Variants in SYT10 observed in about 807,000 individuals in gnomAD.
The protein encoded by SYT10 is synaptotagmin-10.
Under a neutral mutation model 51.1 loss-of-function variants are expected in SYT10, and 31 were observed. The ratio of observed to expected loss-of-function variants is 0.61; its 90% CI spans 0.46 to 0.82. The LOEUF is 0.82. Ranked by LOEUF, SYT10 falls within the 40% of genes least tolerant of loss-of-function variation. The pLI is 0.00. For synonymous variants in SYT10, 233 were observed against 225.9 expected, an observed-to-expected ratio of 1.03 and a Z score of -0.28; for missense variants, 603 against 634.0, an observed-to-expected ratio of 0.95 and a Z score of 0.53.
chr12:33,388,497 C>T (rs1565491526), intron 3 of SYT10, among the ~76,000 whole-genome samples: 1 of 152,084 alleles, frequency 6.6e-6, no homozygotes, highest in Admixed American at 6.5e-5. Flanking sequence ...CTGAAAAATT[C>T]TTGTATTTTG....
intron 3 of SYT10, chr12:33,405,859 G>A (rs1416854195): frequency 2.0e-5 from 3 of 146,394 alleles, no homozygotes; most frequent in African/African-American, 2.5e-5. Flanking sequence ...AAATAATCTT[G>A]AAAAAAAAAA....
chr12:33,393,644 CA>C (rs147402902), intron 3 of SYT10, among the ~76,000 whole-genome samples: 30,469 of 151,984 alleles, frequency 0.2, 3,296 homozygotes, highest in South Asian at 0.29. Context: ...CACTTCTCAA[CA>C]AAAGCCATCA....
At chr12:33,386,096 T>A (rs1205804367) in intron 3 of SYT10, among the ~76,000 whole-genome samples, 1 of 152,194 alleles carries the variant, frequency 6.6e-6, no homozygotes, top group East Asian at 1.9e-4. Context: ...TGACCTCGGC[T>A]CACTGCAGCC....
chr12:33,390,595 C>T (rs1449153775), intron 3 of SYT10, among the ~76,000 whole-genome samples: 1 of 151,806 alleles, frequency 6.6e-6, no homozygotes, highest in Non-Finnish European at 1.5e-5. Context: ...AAATAATTTG[C>T]AAGGTAGATA....
intron 3 of SYT10, among the ~76,000 whole-genome samples, chr12:33,402,099 A>T (rs767331230): frequency 1.3e-5 from 2 of 152,112 alleles, no homozygotes; most frequent in Non-Finnish European, 2.9e-5. Flanking sequence ...TGAGCACTAC[A>T]TTTCACAATC....
chr12:33,379,755 A>G, intron 6 of SYT10, 77 bp downstream of exon 6: 1 of 1,557,694 alleles, frequency 6.4e-7, no homozygotes, highest in South Asian at 1.2e-5. Context: ...AAAATATCAG[A>G]TAAAGGTTAG....
In SYT10 at chr12:33,376,105, G is replaced by A. The variant is rs893918751; in HGVS notation, c.*725C>T. The A allele has an allele frequency of 1.3e-5, 2 of 152,170 alleles. No homozygotes were observed. Among genetic ancestry groups the A allele is most frequent in the African/African-American group, 4.8e-5 (2 of 41,448 alleles). The allele number at this position is 152,170 out of a possible 1,614,324, so 9.4% of individuals were successfully genotyped here. A position where few individuals can be genotyped will look rare whatever the true frequency, so the allele number is the denominator to read the frequency against. On this transcript the variant is annotated 3_prime_UTR_variant, in exon 7 of 7. Transcript: ENST00000228567. ...GTTGAACAGTGCAACAGATATTTGA[G>A]CTAATGTTACAGTAAAACAGTGTAA... is the stretch of plus-strand genomic sequence containing the variant.
chr12:33,429,162 T>C (rs768133514), intron 1 of SYT10, among the ~76,000 whole-genome samples: 1 of 152,168 alleles, frequency 6.6e-6, no homozygotes, highest in African/African-American at 2.4e-5. Flanking sequence ...AAGGTGACAA[T>C]GGATGAGATC....
In SYT10 at chr12:33,439,767, C is replaced by A. The variant is rs1421551526; in HGVS notation, c.-245G>T. On this transcript the variant is annotated 5_prime_UTR_variant, in exon 1 of 7. Transcript: ENST00000228567. ...CTGCCGCGAGGTTTGCGCCAACTCT[C>A]CCGCCGCGCGAGCGAGCCGAGGCGC... 2 of 504,684 alleles carry A rather than the reference C, an allele frequency of 4.0e-6. No individual in the cohort carries two copies. The highest frequency in any genetic ancestry group is 3.8e-5 in the Admixed American group (1 of 26,330). The allele number at this position is 504,684 out of a possible 1,614,324, so 31.3% of individuals were successfully genotyped here. A position where few individuals can be genotyped will look rare whatever the true frequency, so the allele number is the denominator to read the frequency against.
chr12:33,407,325 G>A lies in SYT10; in HGVS notation c.541C>T (p.Gln181Ter), dbSNP rs1866366505. Residue 181 changes from glutamine (Q) to a stop codon, truncating the protein, a stop_gained, in exon 3 of 7, where the codon CAA becomes TAA. Transcript: ENST00000228567. LOFTEE classifies it high-confidence loss of function. ...HSSFRRHLPR[Q>*]MQVSSVDFSM... Reference sequence around the variant, plus strand: ...AAATCAACACTGGAAACCTGCATTTGCCTCGGCAGGTGTCTTCGGAAGGAA... The same window carrying A: ...AAATCAACACTGGAAACCTGCATTTACCTCGGCAGGTGTCTTCGGAAGGAA... 2 of 1,607,676 alleles carry A rather than the reference G, an allele frequency of 1.2e-6. No homozygotes were observed. The highest frequency in any genetic ancestry group is 1.7e-6 in the Non-Finnish European group (2 of 1,180,000).
intron 1 of SYT10, among the ~76,000 whole-genome samples, chr12:33,428,907 GAAA>G (rs142029382): frequency 4.2e-5 from 4 of 95,422 alleles, no homozygotes; most frequent in African/African-American, 1.0e-4. Flanking sequence ...CTCTGCTTCA[GAAA>G]AAAAAAAAAA....
chr12:33,434,369 T>C (rs1326905007), intron 1 of SYT10, among the ~76,000 whole-genome samples: 1 of 152,222 alleles, frequency 6.6e-6, no homozygotes, highest in Non-Finnish European at 1.5e-5. Context: ...TTGTATTAGA[T>C]ACTGGTGACA....
intron 2 of SYT10, among the ~76,000 whole-genome samples, chr12:33,417,083 G>T (rs1203695413): frequency 6.6e-6 from 1 of 152,114 alleles, no homozygotes; most frequent in Non-Finnish European, 1.5e-5. Flanking sequence ...AGAAGAGGAA[G>T]AAGGTGATAG....
At chr12:33,403,593 T>C (rs537586101) in intron 3 of SYT10, among the ~76,000 whole-genome samples, 47 of 152,312 alleles carry the variant, frequency 3.1e-4, no homozygotes, top group Middle Eastern at 6.8e-3. Context: ...TATGTCTGTG[T>C]CTGCATAGTT....
At chr12:33,389,972 A>C (rs1866189614) in intron 3 of SYT10, among the ~76,000 whole-genome samples, 1 of 152,172 alleles carries the variant, frequency 6.6e-6, no homozygotes, top group African/African-American at 2.4e-5. Context: ...ACTTAACCTC[A>C]CTTGACCTCA....
chr12:33,405,744 C>T (rs1412514822), intron 3 of SYT10: 1 of 151,344 alleles, frequency 6.6e-6, no homozygotes, highest in African/African-American at 2.4e-5. Flanking sequence ...GTAAAAACAA[C>T]CTGATGGTAA....
At chr12:33,399,400 A>G (rs780512503) in intron 3 of SYT10, among the ~76,000 whole-genome samples, 21 of 152,218 alleles carry the variant, frequency 1.4e-4, no homozygotes, top group Non-Finnish European at 2.8e-4. Context: ...GTAAAACAGA[A>G]GGCTGTAATC....
In SYT10 at chr12:33,434,443, T is replaced by C. The variant is rs565245919; in HGVS notation, c.151+4929A>G. Among the ~76,000 whole-genome samples, 60 of 152,338 alleles carry C rather than the reference T, an allele frequency of 3.9e-4. No individual in the cohort carries two copies. The South Asian group carries it at 0.012, about 29-fold the overall frequency. On this transcript the variant is annotated intron_variant, in intron 1 of 6. Coordinates refer to ENST00000228567, the MANE Select transcript of SYT10 (RefSeq NM_198992.4). The stretch of plus-strand genomic sequence containing the variant: ...TTTGGAGGTTATTAAGTAAGACTCA[T>C]TATCTTACAAATAATAAAGTTGAAG...
chr12:33,435,544 C>CTGT (rs1434437691), intron 1 of SYT10, among the ~76,000 whole-genome samples: 1 of 152,190 alleles, frequency 6.6e-6, no homozygotes, highest in Admixed American at 6.5e-5. Context: ...TCTGAATTCA[C>CTGT]TGTGGCTCCA....
Sources: allele counts gnomAD v4.1 joint callset (sites outside exome capture counted in the v4.1 genomes callset), GRCh38; gene constraint gnomAD v4.1.1; transcripts MANE v1.5; gene names NCBI Gene and HGNC (gene_info 2026-07-23, HGNC 2026-07-21).